MAST4: variants seen among roughly 807,000 people sequenced by gnomAD.
MAST4 encodes the protein microtubule associated serine/threonine kinase family member 4.
In MAST4, 89 loss-of-function variants were observed where a neutral mutation model predicts 162.7. That is an observed-to-expected ratio of 0.55 (90% CI 0.46 to 0.65). The LOEUF is 0.65. MAST4 is among the 30% of genes least tolerant of loss of function. The pLI, the probability that MAST4 is intolerant of heterozygous loss-of-function variation, is 0.00. For missense variants in MAST4, 3,153 were observed against 3,374.0 expected (o/e 0.93, Z 1.62); for synonymous variants, 1,479 against 1,361.1 (o/e 1.09, Z -1.91).
intron 4 of MAST4, among the ~76,000 whole-genome samples, chr5:67,010,823 G>A (rs947874393): frequency 2.0e-5 from 3 of 152,124 alleles, no homozygotes; most frequent in African/African-American, 7.2e-5. Flanking sequence ...GATGACTTGA[G>A]CATGAACAGG....
intron 1 of MAST4, among the ~76,000 whole-genome samples, chr5:66,701,940 A>G (rs1022124691): frequency 1.3e-5 from 2 of 152,226 alleles, no homozygotes; most frequent in Non-Finnish European, 2.9e-5. Context: ...TATAGTTCAA[A>G]ATATACTAGG....
intron 1 of MAST4, among the ~76,000 whole-genome samples, chr5:66,686,795 G>T (rs1278411319): frequency 6.6e-6 from 1 of 152,064 alleles, no homozygotes. Flanking sequence ...GAGCTCAGAG[G>T]GTAGGGACTA....
chr5:67,151,767 C>T (rs796573338), intron 24 of MAST4, among the ~76,000 whole-genome samples: 261 of 115,182 alleles, frequency 2.3e-3, no homozygotes, highest in Middle Eastern at 0.013. Context: ...TTCTTTTTTT[C>T]TTTTTTTTTT....
At chr5:66,727,200 A>G (rs1486359572) in intron 1 of MAST4, among the ~76,000 whole-genome samples, 1 of 152,178 alleles carries the variant, frequency 6.6e-6, no homozygotes, top group Admixed American at 6.5e-5. Flanking sequence ...TACACATGCT[A>G]CCAACACACA....
At chr5:66,768,566 A>G (rs1023273726) in intron 2 of MAST4, among the ~76,000 whole-genome samples, 2 of 152,236 alleles carry the variant, frequency 1.3e-5, no homozygotes, top group African/African-American at 4.8e-5. Context: ...CCACTAATAT[A>G]TAACATTCTT....
intron 4 of MAST4, among the ~76,000 whole-genome samples, chr5:66,983,657 G>A (rs1383211328): frequency 6.6e-6 from 1 of 152,172 alleles, no homozygotes; most frequent in African/African-American, 2.4e-5. Flanking sequence ...AAAACTGAGG[G>A]GGAGGGGAAT....
At chr5:66,789,987 A>ATT (rs1755314712) in intron 3 of MAST4, among the ~76,000 whole-genome samples, 1 of 77,850 alleles carries the variant, frequency 1.3e-5, no homozygotes, top group Non-Finnish European at 2.3e-5. Context: ...TGCTTATTAG[A>ATT]ATTTTTTTTT....
At chr5:66,886,977 G>C (rs1762081218) in intron 3 of MAST4, among the ~76,000 whole-genome samples, 1 of 152,060 alleles carries the variant, frequency 6.6e-6, no homozygotes, top group Admixed American at 6.5e-5. Context: ...TGTCTTTGTA[G>C]TGAGAACAAA....
chr5:66,676,627 C>T (rs4616845), intron 1 of MAST4, among the ~76,000 whole-genome samples: 116,060 of 152,184 alleles, frequency 0.76, 45,462 homozygotes, highest in African/African-American at 0.93. Flanking sequence ...AAAGATGGGA[C>T]CATAAACCAA....
chr5:66,704,972 G>A (rs1750037566), intron 1 of MAST4, among the ~76,000 whole-genome samples: 1 of 152,170 alleles, frequency 6.6e-6, no homozygotes, highest in African/African-American at 2.4e-5. Context: ...CAACCCAGCA[G>A]GAGAGTTTTT....
At chr5:66,998,386 A>G (rs1187420160) in intron 4 of MAST4, among the ~76,000 whole-genome samples, 1 of 152,162 alleles carries the variant, frequency 6.6e-6, no homozygotes, top group East Asian at 1.9e-4. Flanking sequence ...ATACACAACT[A>G]GTTGTATATT....
intron 1 of MAST4, among the ~76,000 whole-genome samples, chr5:66,609,730 A>C (rs1399769344): frequency 9.7e-6 from 1 of 103,024 alleles, no homozygotes; most frequent in African/African-American, 3.4e-5. Flanking sequence ...TTTTGTTTTT[A>C]AAACAAAGGC....
At position 66,664,435 on chromosome 5, in the gene MAST4, CAAAAAAA is replaced by C. The variant is rs58704256; in HGVS notation, c.363+67428_363+67434del. 2.0e-4 allele frequency among the ~76,000 whole-genome samples: 19 copies of C among 93,924 alleles called. No individual in the cohort carries two copies. The South Asian group carries it at 3.0e-3, about 15-fold the overall frequency. 61.6% of individuals were successfully genotyped at this position (93,924 alleles called of 152,430 possible). A position where few individuals can be genotyped will look rare whatever the true frequency, so the allele number is the denominator to read the frequency against. On this transcript the variant is annotated intron_variant, in intron 1 of 28. Transcript: ENST00000403625. ...GGGCAACAACAGTGAAACTCCATTT[CAAAAAAA>C]AAAAAAAAAAGAAAATAGAAAATCA...
At chr5:67,118,532 T>G in intron 12 of MAST4, 150 bp from the exon 13 acceptor site, 1 of 592,394 alleles carries the variant, frequency 1.7e-6, no homozygotes, top group Non-Finnish European at 3.0e-6. Flanking sequence ...TTGCTGCCTT[T>G]TTTTAGATTT....
chr5:66,611,654 T>C (rs1743295579), intron 1 of MAST4, among the ~76,000 whole-genome samples: 2 of 152,216 alleles, frequency 1.3e-5, no homozygotes, highest in South Asian at 4.1e-4. Flanking sequence ...AAAGACAGTC[T>C]TACCAGTTGA....
At chr5:66,862,918 G>A (rs1760223085) in intron 3 of MAST4, among the ~76,000 whole-genome samples, 1 of 152,170 alleles carries the variant, frequency 6.6e-6, no homozygotes, top group African/African-American at 2.4e-5. Flanking sequence ...TTCTCTTCCT[G>A]CTATCCCTCA....
intron 4 of MAST4, among the ~76,000 whole-genome samples, chr5:66,911,366 T>C (rs1763746290): frequency 6.6e-6 from 1 of 152,162 alleles, no homozygotes; most frequent in South Asian, 2.1e-4. Context: ...TGACCTAGCA[T>C]AGACAGACAT....
chr5:67,044,912 T>C (rs1272890849), intron 4 of MAST4, among the ~76,000 whole-genome samples: 1 of 152,226 alleles, frequency 6.6e-6, no homozygotes, highest in African/African-American at 2.4e-5. Context: ...ATATGTATGT[T>C]GATTGTTCCA....
chr5:66,641,937 C>T (rs778707551), intron 1 of MAST4, among the ~76,000 whole-genome samples: 15 of 152,082 alleles, frequency 9.9e-5, no homozygotes, highest in Admixed American at 2.0e-4. Flanking sequence ...ATTGCACCTC[C>T]GGATGATGAA....
Sources: gnomAD v4.1 joint callset for allele counts (sites outside exome capture counted in the v4.1 genomes callset) on GRCh38, gnomAD v4.1.1 for gene constraint, MANE v1.5 for transcripts, NCBI Gene and HGNC (gene_info 2026-07-23, HGNC 2026-07-21) for gene names.